The following DNAJC1 variants were observed in gnomAD, a reference collection of about 807,000 sequenced individuals.
The protein encoded by DNAJC1 is DnaJ heat shock protein family (Hsp40) member C1.
A neutral mutation model predicts 76.6 loss-of-function variants in DNAJC1; 58 were observed. The observed-to-expected ratio is 0.76, with a 90% CI of 0.61 to 0.94. The LOEUF (loss-of-function observed/expected upper bound fraction) is 0.94. Among genes scored for constraint, DNAJC1 ranks in the 40% least tolerant of loss-of-function variants. DNAJC1 has a pLI of 0.00. For synonymous variants in DNAJC1, 258 were observed against 267.9 expected (o/e 0.96, Z 0.36); for missense variants, 689 against 677.3 (o/e 1.02, Z -0.19).
chr10:21,853,245 T>C (rs1835783483), intron 8 of DNAJC1, among the ~76,000 whole-genome samples: 1 of 152,210 alleles, frequency 6.6e-6, no homozygotes, highest in South Asian at 2.1e-4. Context: ...ATTTGGAATA[T>C]ACTGTTGAAA....
chr10:21,846,356 C>A (rs1803352881), intron 8 of DNAJC1, among the ~76,000 whole-genome samples: 1 of 152,026 alleles, frequency 6.6e-6, no homozygotes, highest in Non-Finnish European at 1.5e-5. Flanking sequence ...TGCCAAAAAT[C>A]ATTTAATATG....
At chr10:21,836,942 G>A (rs544240624) in intron 8 of DNAJC1, among the ~76,000 whole-genome samples, 6 of 152,180 alleles carry the variant, frequency 3.9e-5, no homozygotes, top group South Asian at 4.2e-4. Context: ...CTCTCTCCAC[G>A]GTCTCCCTCT....
chr10:21,854,874 A>G (rs752508613), intron 8 of DNAJC1, among the ~76,000 whole-genome samples: 3 of 152,196 alleles, frequency 2.0e-5, no homozygotes, highest in Non-Finnish European at 4.4e-5. Flanking sequence ...ATTTATAACT[A>G]AAAAATTAAA....
intron 9 of DNAJC1, among the ~76,000 whole-genome samples, chr10:21,770,545 G>C (rs903007545): frequency 6.6e-6 from 1 of 151,930 alleles, no homozygotes; most frequent in Admixed American, 6.6e-5. Context: ...CTACAGGCAT[G>C]TGCCAAGATG....
At position 21,895,011 on chromosome 10, in the gene DNAJC1, T is replaced by C. The variant is rs577090645; in HGVS notation, c.820+9511A>G. ...GTGAGAAATAAATTTCTGTTGATCA[T>C]AAATTACCCAGTCTCAGTTATTTTG... On this transcript the variant is annotated intron_variant, in intron 7 of 11. Transcript: ENST00000376980. Among the ~76,000 whole-genome samples the C allele has an allele frequency of 9.2e-5, 14 of 152,290 alleles. No homozygotes were observed. In the South Asian group the frequency reaches 2.9e-3, roughly 32 times the overall value.
chr10:21,891,923 C>T (rs972650448), intron 7 of DNAJC1, among the ~76,000 whole-genome samples: 2 of 152,064 alleles, frequency 1.3e-5, no homozygotes. Flanking sequence ...AGACTTTCCT[C>T]CTGCTCTTGA....
At chr10:21,995,643 T>C (rs907941843) in intron 1 of DNAJC1, among the ~76,000 whole-genome samples, 12 of 152,354 alleles carry the variant, frequency 7.9e-5, no homozygotes, top group African/African-American at 2.9e-4. Context: ...ACTGCCTCAG[T>C]AGCAATAAAA....
intron 1 of DNAJC1, among the ~76,000 whole-genome samples, chr10:21,998,236 C>A (rs1214862001): frequency 6.6e-6 from 1 of 151,500 alleles, no homozygotes; most frequent in Non-Finnish European, 1.5e-5. Context: ...ACTAAAAATA[C>A]AAAATTAGCC....
At chr10:21,834,274 A>C (rs1310736633) in intron 8 of DNAJC1, among the ~76,000 whole-genome samples, 1 of 152,048 alleles carries the variant, frequency 6.6e-6, no homozygotes, top group East Asian at 1.9e-4. Flanking sequence ...AAAAAAAAAT[A>C]AGAAAGAAAG....
chr10:21,852,272 A>G (rs1835769170), intron 8 of DNAJC1, among the ~76,000 whole-genome samples: 1 of 152,030 alleles, frequency 6.6e-6, no homozygotes, highest in Non-Finnish European at 1.5e-5. Context: ...AGAACAGGTA[A>G]ATTCATAGAG....
At chr10:21,916,967 T>G (rs1272116188) in intron 6 of DNAJC1, among the ~76,000 whole-genome samples, 3 of 152,116 alleles carry the variant, frequency 2.0e-5, no homozygotes, top group Non-Finnish European at 4.4e-5. Flanking sequence ...ATCATCTTAA[T>G]TTTCTTCTTG....
intron 1 of DNAJC1, among the ~76,000 whole-genome samples, chr10:21,948,497 T>C (rs1157095251): frequency 6.6e-6 from 1 of 152,198 alleles, no homozygotes; most frequent in African/African-American, 2.4e-5. Context: ...ACCTGTAGTA[T>C]ATAGCACAGG....
chr10:21,756,801 T>G, intron 11 of DNAJC1, 46 bp from the exon 12 acceptor site: 1 of 1,573,900 alleles, frequency 6.4e-7, no homozygotes, highest in Non-Finnish European at 8.7e-7. Context: ...CTTGCACAAG[T>G]CAGTGTGGTC....
At position 21,975,311 on chromosome 10, in the gene DNAJC1, G is replaced by A. The variant is rs571298846; in HGVS notation, c.222+27902C>T. 2.0e-5 allele frequency among the ~76,000 whole-genome samples: 3 copies of A among 151,958 alleles called. No homozygotes were observed. The East Asian group carries it at 5.8e-4, about 29-fold the overall frequency. On this transcript the variant is annotated intron_variant, in intron 1 of 11. Coordinates refer to ENST00000376980, the MANE Select transcript of DNAJC1 (RefSeq NM_022365.4). ...ATCAATGAATATGAGAAAAAAATAA[G>A]CTGCAATAAATAAATAAATAAATAA...
intron 9 of DNAJC1, among the ~76,000 whole-genome samples, chr10:21,795,303 G>A (rs1265786438): frequency 6.6e-6 from 1 of 152,148 alleles, no homozygotes; most frequent in East Asian, 1.9e-4. Flanking sequence ...CAAATATTGA[G>A]CAATATGAAG....
chr10:21,864,318 A>T (rs531217675), intron 8 of DNAJC1, among the ~76,000 whole-genome samples: 1 of 152,186 alleles, frequency 6.6e-6, no homozygotes, highest in East Asian at 1.9e-4. Context: ...TAAATATAAG[A>T]TAAAACTATA....
In DNAJC1 at chr10:21,908,241, A is replaced by C. The variant is rs964970290; in HGVS notation, c.730-3629T>G. ...TATATATAATATATATAAAATATATATAATATAGAGAAAATATATATATAT... is the reference window on the plus strand; with the variant it reads ...TATATATAATATATATAAAATATATCTAATATAGAGAAAATATATATATAT... On this transcript the variant is annotated intron_variant, in intron 6 of 11. Coordinates refer to ENST00000376980, the MANE Select transcript of DNAJC1 (RefSeq NM_022365.4). Among the ~76,000 whole-genome samples the C allele has an allele frequency of 1.1e-4, 4 of 37,534 alleles. No individual in the cohort carries two copies. The Admixed American group carries it at 1.3e-3, about 12-fold the overall frequency. 24.6% of individuals were successfully genotyped at this position (37,534 alleles called of 152,430 possible).
intron 1 of DNAJC1, among the ~76,000 whole-genome samples, chr10:21,941,268 CAAAAAAA>C (rs11435502): frequency 9.2e-5 from 4 of 43,656 alleles, no homozygotes; most frequent in Non-Finnish European, 1.5e-4. Flanking sequence ...GACACTGTCT[CAAAAAAA>C]AAAAAAAAAA....
At chr10:21,991,988 T>C (rs939242881) in intron 1 of DNAJC1, among the ~76,000 whole-genome samples, 7 of 152,230 alleles carry the variant, frequency 4.6e-5, no homozygotes, top group African/African-American at 1.7e-4. Flanking sequence ...GCTGACTTAG[T>C]ACAAAAAATT....
Sources: gnomAD v4.1 joint callset for allele counts (sites outside exome capture counted in the v4.1 genomes callset) on GRCh38, gnomAD v4.1.1 for gene constraint, MANE v1.5 for transcripts, NCBI Gene and HGNC (gene_info 2026-07-23, HGNC 2026-07-21) for gene names.